Variants in TXNRD3 observed in about 807,000 individuals in gnomAD.
The protein encoded by TXNRD3 is thioredoxin reductase 3, also known as TXNRD3 neighbor gene protein.
Under a neutral mutation model 78.2 loss-of-function variants are expected in TXNRD3, and 68 were observed. The observed-to-expected ratio is 0.87, with a 90% confidence interval of 0.72 to 1.06. The LOEUF (loss-of-function observed/expected upper bound fraction) is 1.06. TXNRD3 is among the 50% of genes least tolerant of loss of function. The pLI is 0.00. For synonymous variants in TXNRD3, 296 were observed against 300.1 expected (o/e 0.99, Z 0.14); for missense variants, 751 against 809.5 (o/e 0.93, Z 0.88).
At chr3:126,638,025 C>T (rs1166814805) in intron 6 of TXNRD3, among the ~76,000 whole-genome samples, 2 of 145,604 alleles carry the variant, frequency 1.4e-5, no homozygotes, top group East Asian at 2.1e-4. Flanking sequence ...CTCACTGCAA[C>T]CTCCGCCTCC....
intron 7 of TXNRD3, among the ~76,000 whole-genome samples, chr3:126,633,368 TAA>T (rs1938770414): frequency 1.3e-5 from 2 of 152,136 alleles, no homozygotes; most frequent in Admixed American, 1.3e-4. Context: ...AGTACAAAAA[TAA>T]ACTAGATGAT....
intron 13 of TXNRD3, among the ~76,000 whole-genome samples, chr3:126,613,342 C>T (rs1169362755): frequency 6.6e-6 from 1 of 152,206 alleles, no homozygotes; most frequent in Non-Finnish European, 1.5e-5. Flanking sequence ...CACTCTAGCT[C>T]CTTCTTGCCC....
intron 11 of TXNRD3, 58 bp from the exon 12 acceptor site, chr3:126,621,956 T>C: frequency 7.5e-7 from 1 of 1,341,666 alleles, no homozygotes; most frequent in Non-Finnish European, 9.6e-7. Context: ...CACTGCTGGC[T>C]GACTAATACT....
In TXNRD3 at chr3:126,614,174, T is replaced by A. The variant is rs1056110809; in HGVS notation, c.1632+1181A>T. Among the ~76,000 whole-genome samples the A allele has an allele frequency of 2.0e-5, 3 of 152,146 alleles. No individual in the cohort carries two copies. In the East Asian group the frequency reaches 5.8e-4, roughly 29 times the overall value. ...TTATTTTGTACAGCTCTACAATGTG[T>A]TTGTGTTTCTCTATAATAGGAACTT... On this transcript the variant is annotated intron_variant, in intron 13 of 15. Coordinates refer to ENST00000524230, the MANE Select transcript of TXNRD3 (RefSeq NM_052883.3).
chr3:126,654,886 C>A lies in TXNRD3; in HGVS notation c.105G>T (p.Gly35=). The A allele has an allele frequency of 1.5e-6, 2 of 1,325,574 alleles. No homozygotes were observed. Among genetic ancestry groups the A allele is most frequent in the Non-Finnish European group, 1.9e-6 (2 of 1,046,406 alleles). The allele number at this position is 1,325,574 out of a possible 1,614,324, so 82.1% of individuals were successfully genotyped here. The change falls in exon 1 of 16, where the codon GGG becomes GGT. Residue 35 remains glycine, a synonymous_variant. Transcript: ENST00000524230. Reference sequence around the variant, plus strand: ...CGGGGGACGACAGGCGGGCACGGCGCCCCGGCGGCGACAACACGCGCGCCC... The same window carrying A: ...CGGGGGACGACAGGCGGGCACGGCGACCCGGCGGCGACAACACGCGCGCCC...
intron 12 of TXNRD3, among the ~76,000 whole-genome samples, chr3:126,618,863 CAAAAAAA>C (rs36021189): frequency 2.9e-3 from 214 of 73,112 alleles, no homozygotes; most frequent in South Asian, 8.0e-3. Flanking sequence ...AACTCAGAGC[CAAAAAAA>C]AAAAAAAAAA....
chr3:126,608,203 A>T (rs1938101198), intron 15 of TXNRD3, among the ~76,000 whole-genome samples: 1 of 151,776 alleles, frequency 6.6e-6, no homozygotes, highest in South Asian at 2.1e-4. Context: ...TCTACTAAAA[A>T]TACAAAAATT....
At chr3:126,629,114 A>T (rs1254407866) in intron 10 of TXNRD3, among the ~76,000 whole-genome samples, 2 of 152,084 alleles carry the variant, frequency 1.3e-5, no homozygotes, top group African/African-American at 2.4e-5. Flanking sequence ...TAAAATATCT[A>T]ATTTTCCAAA....
chr3:126,650,942 C>G (rs1347411166), intron 1 of TXNRD3, among the ~76,000 whole-genome samples: 4 of 152,144 alleles, frequency 2.6e-5, no homozygotes, highest in African/African-American at 4.8e-5. Context: ...CACAAACAAG[C>G]TGGTTGATTA....
At chr3:126,625,117 C>A (rs546625209) in intron 10 of TXNRD3, 53 of 154,962 alleles carry the variant, frequency 3.4e-4, no homozygotes, top group Admixed American at 1.3e-4. Context: ...ATGGCTTTTC[C>A]AAAGACCACT....
chr3:126,621,653 G>T, intron 12 of TXNRD3, 89 bp downstream of exon 12: 3 of 1,261,200 alleles, frequency 2.4e-6, no homozygotes, highest in Non-Finnish European at 3.1e-6. Flanking sequence ...CCCTTTACTT[G>T]GAAAACAGGC....
chr3:126,631,928 A>C (rs200930806), intron 7 of TXNRD3, 49 bp from the exon 8 acceptor site: 20 of 1,282,050 alleles, frequency 1.6e-5, no homozygotes, highest in Non-Finnish European at 2.1e-5. Context: ...ACAGAGTACC[A>C]GACACCCTGG....
In TXNRD3 at chr3:126,632,022, C is replaced by T. The variant is rs1011416355; in HGVS notation, c.856-143G>A. The T allele has an allele frequency of 1.9e-5, 12 of 620,620 alleles. No individual in the cohort carries two copies. The Admixed American group carries it at 3.1e-4, about 16-fold the overall frequency. 38.4% of individuals were successfully genotyped at this position (620,620 alleles called of 1,614,324 possible). ...AAAAGTAATAATGCAATGTGATAAG[C>T]ACAAGCACAGAAAACAGAAGTCTTT... On this transcript the variant is annotated intron_variant, in intron 7 of 15. Transcript: ENST00000524230.
chr3:126,618,296 G>A (rs996049058), intron 12 of TXNRD3, among the ~76,000 whole-genome samples: 4 of 152,088 alleles, frequency 2.6e-5, no homozygotes, highest in African/African-American at 7.2e-5. Flanking sequence ...CAAGCTGGAG[G>A]CATTACACTA....
In TXNRD3 at chr3:126,636,454, A is replaced by G. The variant is rs150760353; in HGVS notation, c.713-2403T>C. 2.0e-3 allele frequency among the ~76,000 whole-genome samples: 307 copies of G among 152,206 alleles called. 2 individuals carry two copies. Among genetic ancestry groups the G allele is most frequent in the African/African-American group, 7.2e-3 (300 of 41,530 alleles). ...TACCCCAAGTTCTTCTCCAATAAGTATTGCTTCTGACTCTTCTCCACCATG... is the reference window on the plus strand; with the variant it reads ...TACCCCAAGTTCTTCTCCAATAAGTGTTGCTTCTGACTCTTCTCCACCATG... On this transcript the variant is annotated intron_variant, in intron 6 of 15. Coordinates refer to ENST00000524230, the MANE Select transcript of TXNRD3 (RefSeq NM_052883.3).
At chr3:126,642,322 A>C (rs369652629) in intron 5 of TXNRD3, among the ~76,000 whole-genome samples, 171 bp from the exon 6 acceptor site, 8 of 152,244 alleles carry the variant, frequency 5.3e-5, no homozygotes, top group African/African-American at 1.9e-4. Flanking sequence ...ACGGGTTCAC[A>C]GAAGAGACCC....
chr3:126,620,499 C>CA (rs1167587458), intron 12 of TXNRD3, among the ~76,000 whole-genome samples: 1 of 151,870 alleles, frequency 6.6e-6, no homozygotes, highest in Non-Finnish European at 1.5e-5. Flanking sequence ...AAAGTGGCAG[C>CA]AAAAAGCTCA....
chr3:126,619,923 A>ATTT (rs1938408992), intron 12 of TXNRD3, among the ~76,000 whole-genome samples: 1 of 152,224 alleles, frequency 6.6e-6, no homozygotes, highest in African/African-American at 2.4e-5. Flanking sequence ...ACTGTGTCAG[A>ATTT]TTAAGAGACT....
At chr3:126,637,790 C>T (rs1156365723) in intron 6 of TXNRD3, among the ~76,000 whole-genome samples, 1 of 151,728 alleles carries the variant, frequency 6.6e-6, no homozygotes, top group Non-Finnish European at 1.5e-5. Flanking sequence ...TTTCATGTTG[C>T]TTCCCTTTCT....
Sources: allele counts gnomAD v4.1 joint callset (sites outside exome capture counted in the v4.1 genomes callset), GRCh38; gene constraint gnomAD v4.1.1; transcripts MANE v1.5; gene names NCBI Gene and HGNC (gene_info 2026-07-23, HGNC 2026-07-21).